Variants in ALPK3 observed in about 807,000 individuals in gnomAD.
ALPK3 encodes alpha kinase 3, also known as alpha-protein kinase 3.
A neutral mutation model predicts 140.0 loss-of-function variants in ALPK3; 102 were observed. The ratio of observed to expected loss-of-function variants is 0.73; its 90% CI spans 0.62 to 0.86. The LOEUF is 0.86. Among genes scored for constraint, ALPK3 ranks in the 40% least tolerant of loss-of-function variants. ALPK3 has a pLI of 0.00. For missense variants in ALPK3, 2,254 were observed against 2,208.2 expected, an observed-to-expected ratio of 1.02 and a Z score of -0.42; for synonymous variants, 938 against 898.5, an observed-to-expected ratio of 1.04 and a Z score of -0.79.
chr15:84,868,228 G>T lies in ALPK3; in HGVS notation c.4890G>T (p.Ala1630=). 6.2e-7 allele frequency: 1 copy of T among 1,614,156 alleles called. No individual in the cohort carries two copies. The highest frequency in any genetic ancestry group is 8.5e-7 in the Non-Finnish European group (1 of 1,180,024). The change falls in exon 14 of 14, where the codon GCG becomes GCT. Residue 1630 remains alanine, a synonymous_variant. Coordinates refer to ENST00000258888, the MANE Select transcript of ALPK3 (RefSeq NM_020778.5). Reference sequence around the variant, plus strand: ...TGACACCTCTCAAGGGCCCGGAGGCGGCCCACCCCCAAGCCAAAGCCAAAG... The same window carrying T: ...TGACACCTCTCAAGGGCCCGGAGGCTGCCCACCCCCAAGCCAAAGCCAAAG... ...LGLTPLKGPE[A]AHPQAKAKGS...
At chr15:84,847,636 C>G (rs747517060) in intron 5 of ALPK3, among the ~76,000 whole-genome samples, 2 of 150,840 alleles carry the variant, frequency 1.3e-5, no homozygotes, top group Non-Finnish European at 3.0e-5. Flanking sequence ...TTTTTTAATG[C>G]TAAAAAAAAG....
At chr15:84,841,202 G>A (rs1963662041) in intron 5 of ALPK3, among the ~76,000 whole-genome samples, 1 of 152,314 alleles carries the variant, frequency 6.6e-6, no homozygotes, top group East Asian at 1.9e-4. Context: ...GGAGGGAGAT[G>A]GAAGAAGATA....
In ALPK3 at chr15:84,859,917, G is replaced by A. The variant is rs539904892; in HGVS notation, c.4093+14G>A. Reference sequence around the variant, plus strand: ...TCAGCCCTGAGGGTGAGTGTGCCCCGCGGCCCGGGGTCTCAGCCTGGCCTG... The same window carrying A: ...TCAGCCCTGAGGGTGAGTGTGCCCCACGGCCCGGGGTCTCAGCCTGGCCTG... On this transcript the variant is annotated intron_variant, in intron 8 of 13. Transcript: ENST00000258888. 2.4e-5 allele frequency: 39 copies of A among 1,613,858 alleles called. No homozygotes were observed. The East Asian group carries it at 4.0e-4, about 17-fold the overall frequency.
At chr15:84,843,233 G>A (rs190266424) in intron 5 of ALPK3, among the ~76,000 whole-genome samples, 29 of 152,280 alleles carry the variant, frequency 1.9e-4, no homozygotes, top group Non-Finnish European at 2.8e-4. Flanking sequence ...TTGGAAGGCC[G>A]AAGCAGGTGG....
rs112289245 is a variant in ALPK3 at position 84,839,928 on chromosome 15, A to G, written c.649A>G (p.Ser217Gly). The change falls in exon 5 of 14, where the codon AGC (serine) becomes GGC (glycine). Residue 217 changes from serine to glycine, a missense_variant. Ser to Gly is a moderately conservative substitution (Grantham distance 56). This residue lies in a region of ALPK3 where 2,088 missense variants were observed against 2,022.9 expected (regional missense o/e 1.03). Transcript: ENST00000258888. ...GGAGGTCGACACTCTGCGCAAGCTC[A>G]GCCCCGACCGCTTCCAGCGAAAGCG... ...PGEVDTLRKL[S>G]PDRFQRKRRL... The G allele has an allele frequency of 6.2e-7, 1 of 1,613,732 alleles. No homozygotes were observed. The highest frequency in any genetic ancestry group is 8.5e-7 in the Non-Finnish European group (1 of 1,179,908).
rs540911871 is a variant in ALPK3, at chr15:84,836,564, C to G, written c.305-2416C>G. Among the ~76,000 whole-genome samples, 6 of 152,310 alleles carry G rather than the reference C, an allele frequency of 3.9e-5. No individual in the cohort carries two copies. In the South Asian group the frequency reaches 1.0e-3, roughly 26 times the overall value. On this transcript the variant is annotated intron_variant, in intron 3 of 13. Transcript: ENST00000258888. Reference sequence around the variant, plus strand: ...CAAGTAAAGGAATACAGCATTGCCTCTAGGTTTTGGCCTGAGCCAAATATA... The same window carrying G: ...CAAGTAAAGGAATACAGCATTGCCTGTAGGTTTTGGCCTGAGCCAAATATA...
At chr15:84,854,329 C>A (rs931049871) in intron 5 of ALPK3, among the ~76,000 whole-genome samples, 1 of 151,804 alleles carries the variant, frequency 6.6e-6, no homozygotes, top group African/African-American at 2.4e-5. Context: ...CTCTTGTTGC[C>A]CAAGCTGGAG....
At chr15:84,856,170 C>A (rs1210707676) in intron 5 of ALPK3, among the ~76,000 whole-genome samples, 1 of 152,166 alleles carries the variant, frequency 6.6e-6, no homozygotes, top group African/African-American at 2.4e-5. Flanking sequence ...ATTCCCCAGT[C>A]CAGATTCTGA....
At chr15:84,834,063 T>C (rs573064513) in intron 3 of ALPK3, among the ~76,000 whole-genome samples, 26 of 152,048 alleles carry the variant, frequency 1.7e-4, no homozygotes, top group African/African-American at 5.6e-4. Flanking sequence ...CACAAAGGGA[T>C]TGAGTCTTCT....
At chr15:84,845,781 G>A (rs748513924) in intron 5 of ALPK3, among the ~76,000 whole-genome samples, 1 of 152,208 alleles carries the variant, frequency 6.6e-6, no homozygotes, top group Non-Finnish European at 1.5e-5. Context: ...ACTGCAGGCC[G>A]GGTGTGGTGG....
chr15:84,863,873 C>G (rs2141573593), intron 11 of ALPK3, among the ~76,000 whole-genome samples: 1 of 152,360 alleles, frequency 6.6e-6, no homozygotes, highest in Admixed American at 6.5e-5. Context: ...ACCCCGGTTC[C>G]TCATTCTTTA....
intron 9 of ALPK3, 82 bp from the exon 10 acceptor site, chr15:84,862,553 T>C: frequency 6.7e-7 from 1 of 1,497,484 alleles, no homozygotes; most frequent in Non-Finnish European, 9.0e-7. Flanking sequence ...GGGAGGCTCT[T>C]CTGGCCTTTT....
chr15:84,864,349 CCTT>C, intron 11 of ALPK3, 90 bp from the exon 12 acceptor site: 2 of 1,304,800 alleles, frequency 1.5e-6, no homozygotes, highest in Non-Finnish European at 2.2e-6. Flanking sequence ...TTGGAAGGGC[CCTT>C]CTTTTAGGTC....
intron 1 of ALPK3, among the ~76,000 whole-genome samples, chr15:84,822,479 C>G (rs767610572): frequency 1.8e-4 from 27 of 152,140 alleles, no homozygotes; most frequent in Non-Finnish European, 3.4e-4. Context: ...AGGGAGAGCT[C>G]TTCTCATGAT....
intron 13 of ALPK3, 29 bp from the exon 14 acceptor site, chr15:84,868,082 C>T (rs757688163): frequency 3.1e-6 from 5 of 1,587,608 alleles, no homozygotes; most frequent in Non-Finnish European, 4.3e-6. Flanking sequence ...GGTTGGGACC[C>T]CCACTCAGCT....
intron 9 of ALPK3, among the ~76,000 whole-genome samples, chr15:84,861,031 A>G (rs1963939288): frequency 6.6e-6 from 1 of 152,218 alleles, no homozygotes; most frequent in South Asian, 2.1e-4. Flanking sequence ...AATTTAATCA[A>G]TATCAAATAA....
At chr15:84,859,101 A>C in intron 6 of ALPK3, 142 bp from the exon 7 acceptor site, 1 of 1,142,334 alleles carries the variant, frequency 8.8e-7, no homozygotes, top group Non-Finnish European at 1.2e-6. Context: ...GGCAGGAGGC[A>C]CCGGGGGGCT....
chr15:84,866,965 T>C (rs1964009943), intron 12 of ALPK3, among the ~76,000 whole-genome samples: 1 of 152,022 alleles, frequency 6.6e-6, no homozygotes, highest in African/African-American at 2.4e-5. Context: ...CAAATGGCCA[T>C]TGCACATGGC....
intron 5 of ALPK3, among the ~76,000 whole-genome samples, chr15:84,847,929 G>A (rs1963751487): frequency 6.6e-6 from 1 of 152,060 alleles, no homozygotes; most frequent in Non-Finnish European, 1.5e-5. Context: ...AGGGGTGGTG[G>A]GGGGCACCTG....
Sources: allele counts gnomAD v4.1 joint callset (sites outside exome capture counted in the v4.1 genomes callset), GRCh38; gene constraint gnomAD v4.1.1; regional missense constraint gnomAD v4.1.1; transcripts MANE v1.5; gene names NCBI Gene and HGNC (gene_info 2026-07-23, HGNC 2026-07-21).